JADE3: variants seen among roughly 807,000 people sequenced by gnomAD.
JADE3 encodes protein Jade-3.
A neutral mutation model predicts 50.1 loss-of-function variants in JADE3; 2 were observed. The ratio of observed to expected loss-of-function variants is 0.04; its 90% CI spans 0.02 to 0.13. The LOEUF (loss-of-function observed/expected upper bound fraction) is 0.13. Among genes scored for constraint, JADE3 ranks in the 10% least tolerant of loss-of-function variants. The pLI, the probability that JADE3 is intolerant of heterozygous loss-of-function variation, is 1.00. For missense variants in JADE3, 475 were observed against 634.4 expected (o/e 0.75, Z 2.70); for synonymous variants, 218 against 232.9 (o/e 0.94, Z 0.58).
chrX:46,943,718 G>A (rs1335550058), intron 1 of JADE3, among the ~76,000 whole-genome samples: 1 of 111,572 alleles, frequency 9.0e-6, no homozygotes, highest in Non-Finnish European at 1.9e-5. Flanking sequence ...GATGATGTTG[G>A]CTTCATAGAA....
chrX:47,042,576 A>G (rs1239446316), intron 8 of JADE3, among the ~76,000 whole-genome samples: 1 of 111,965 alleles, frequency 8.9e-6, no homozygotes, highest in Non-Finnish European at 1.9e-5. Flanking sequence ...GACTCTTACA[A>G]TTTTGATTAT....
intron 4 of JADE3, among the ~76,000 whole-genome samples, chrX:47,010,508 G>A (rs1477676611): frequency 1.8e-5 from 2 of 112,075 alleles, no homozygotes; most frequent in Non-Finnish European, 3.8e-5. Context: ...GAGCCACCGC[G>A]CCCGGCCATG....
intron 3 of JADE3, among the ~76,000 whole-genome samples, chrX:46,992,438 C>T (rs868946529): frequency 6.1e-5 from 6 of 99,017 alleles, no homozygotes; most frequent in African/African-American, 1.8e-4. Flanking sequence ...CAGCATCCAG[C>T]GATTCAAAAT....
At chrX:47,030,517 C>T (rs1274033559) in intron 6 of JADE3, among the ~76,000 whole-genome samples, 1 of 111,352 alleles carries the variant, frequency 9.0e-6, no homozygotes, top group Non-Finnish European at 1.9e-5. Context: ...CTTAGAGCTC[C>T]CTCTGTTGGC....
At chrX:47,011,901 A>G (rs1300218025) in intron 4 of JADE3, among the ~76,000 whole-genome samples, 1 of 112,101 alleles carries the variant, frequency 8.9e-6, no homozygotes, top group Non-Finnish European at 1.9e-5. Context: ...ACAAGATTTT[A>G]TCTTTGTCTT....
At chrX:46,978,152 G>A (rs1045005553) in intron 1 of JADE3, among the ~76,000 whole-genome samples, 2 of 111,841 alleles carry the variant, frequency 1.8e-5, no homozygotes, top group Non-Finnish European at 3.8e-5. Context: ...GGCCACATTG[G>A]AAGAATTCTC....
chrX:46,921,602 G>A (rs1926223214), intron 1 of JADE3, among the ~76,000 whole-genome samples: 1 of 111,753 alleles, frequency 8.9e-6, no homozygotes, highest in East Asian at 2.8e-4. Context: ...TGGGAAATTG[G>A]CTTTTCAAAT....
intron 4 of JADE3, among the ~76,000 whole-genome samples, chrX:47,008,428 A>G (rs1264241078): frequency 8.9e-6 from 1 of 112,384 alleles, no homozygotes; most frequent in African/African-American, 3.2e-5. Flanking sequence ...TAAGTTATGC[A>G]ATGAAAAGGA....
At position 46,971,137 on chromosome X, in the gene JADE3, C is replaced by T. The variant is rs1488412118; in HGVS notation, c.-11-13747C>T. ...TTTTTTTTTTTTTTTTTTTTTGAAA[C>T]GGAGTTTCACTATTGTTGCCCAGGC... is the stretch of plus-strand genomic sequence containing the variant. On this transcript the variant is annotated intron_variant, in intron 1 of 10. Transcript: ENST00000614628. 2.9e-3 allele frequency among the ~76,000 whole-genome samples: 154 copies of T among 53,883 alleles called. 1 individual carries two copies. The highest frequency in any genetic ancestry group is 2.4e-3 in the Non-Finnish European group (74 of 30,531). The allele number at this position is 53,883 out of a possible 115,157, so 46.8% of individuals were successfully genotyped here. A position where few individuals can be genotyped will look rare whatever the true frequency, so the allele number is the denominator to read the frequency against.
intron 9 of JADE3, 87 bp from the exon 10 acceptor site, chrX:47,055,995 T>A (rs1041513825): frequency 5.5e-6 from 3 of 548,969 alleles, no homozygotes; most frequent in Non-Finnish European, 9.4e-6. Flanking sequence ...CACCTGACTT[T>A]AGGTCTTTAT....
chrX:47,058,979 GAT>G lies in JADE3; in HGVS notation c.2376_2377del (p.Asp792GlufsTer10). 1 of 1,210,051 alleles carries G rather than the reference GAT, an allele frequency of 8.3e-7. No individual in the cohort carries two copies. The highest frequency in any genetic ancestry group is 1.1e-6 in the Non-Finnish European group (1 of 894,357). On this transcript the variant is annotated frameshift_variant, in exon 11 of 11. Coordinates refer to ENST00000614628, the MANE Select transcript of JADE3 (RefSeq NM_014735.5). LOFTEE classifies it high-confidence loss of function. ...GNKEKVRVRK[D>X]SSDRENPPHD... ...TAAAGAAAAAGTCAGGGTAAGGAAA[GAT>G]AGCTCAGACAGGGAAAATCCTCCCC...
chrX:47,047,782 G>A (rs1219161863), intron 8 of JADE3, among the ~76,000 whole-genome samples: 2 of 111,762 alleles, frequency 1.8e-5, no homozygotes, highest in African/African-American at 6.5e-5. Context: ...ATATACTGCA[G>A]TTTAAGAGAT....
chrX:47,020,185 G>A (rs1336374578), intron 4 of JADE3, among the ~76,000 whole-genome samples: 3 of 111,314 alleles, frequency 2.7e-5, no homozygotes, highest in East Asian at 2.8e-4. Context: ...ACAAAAATTA[G>A]CCTGGCATGG....
At chrX:46,936,071 T>C (rs782771473) in intron 1 of JADE3, among the ~76,000 whole-genome samples, 1 of 104,560 alleles carries the variant, frequency 9.6e-6, no homozygotes, top group Admixed American at 1.0e-4. Flanking sequence ...CAGGCTGGAG[T>C]GCAGTGGCAC....
intron 9 of JADE3, among the ~76,000 whole-genome samples, chrX:47,055,588 T>TGA (rs1326659968): frequency 8.9e-6 from 1 of 111,751 alleles, no homozygotes; most frequent in Non-Finnish European, 1.9e-5. Context: ...GTAGGGAGTA[T>TGA]GAGAGAGAGA....
At chrX:46,915,704 A>T (rs782146752) in intron 1 of JADE3, among the ~76,000 whole-genome samples, 2 of 110,730 alleles carry the variant, frequency 1.8e-5, no homozygotes, top group Non-Finnish European at 3.8e-5. Context: ...CATAGATAAT[A>T]ACAACAAAAT....
At chrX:47,033,504 G>A (rs1410413414) in intron 6 of JADE3, 117 bp from the exon 7 acceptor site, 3 of 553,427 alleles carry the variant, frequency 5.4e-6, no homozygotes, top group Middle Eastern at 4.1e-4. Context: ...AAGCTTGTTC[G>A]GCTTTATTTG....
intron 1 of JADE3, among the ~76,000 whole-genome samples, chrX:46,917,825 CT>C (rs1556336747): frequency 4.2e-4 from 27 of 64,720 alleles, no homozygotes; most frequent in South Asian, 1.3e-3. Flanking sequence ...CTCTCTCACT[CT>C]CTCTCATCCT....
intron 1 of JADE3, among the ~76,000 whole-genome samples, chrX:46,973,055 T>A (rs1182720703): frequency 8.9e-6 from 1 of 112,467 alleles, no homozygotes; most frequent in Non-Finnish European, 1.9e-5. Context: ...ACAGAAAAAG[T>A]TGGGTGACCC....
Sources: allele counts gnomAD v4.1 joint callset (sites outside exome capture counted in the v4.1 genomes callset), GRCh38; gene constraint gnomAD v4.1.1; transcripts MANE v1.5; gene names NCBI Gene and HGNC (gene_info 2026-07-23, HGNC 2026-07-21).